Variants in RERE observed in about 807,000 individuals in gnomAD.
RERE encodes arginine-glutamic acid dipeptide repeats.
RERE carries 40 observed loss-of-function variants against 146.1 expected under a neutral mutation model. The observed-to-expected ratio is 0.27, with a 90% confidence interval of 0.21 to 0.36. The LOEUF (loss-of-function observed/expected upper bound fraction) is 0.36. RERE is among the 10% of genes least tolerant of loss of function. The probability of loss-of-function intolerance (pLI) is 1.00; values close to 1 mark genes in which losing one functional copy is unlikely to be tolerated. For missense variants in RERE, 1,933 were observed against 2,138.7 expected (o/e 0.90, Z 1.90); for synonymous variants, 1,003 against 866.0 (o/e 1.16, Z -2.78).
At chr1:8,596,481 G>C (rs760252273) in intron 4 of RERE, among the ~76,000 whole-genome samples, 25 of 152,086 alleles carry the variant, frequency 1.6e-4, no homozygotes, top group Non-Finnish European at 3.5e-4. Flanking sequence ...GACAAACCTA[G>C]TCTGTAGGAA....
intron 7 of RERE, among the ~76,000 whole-genome samples, chr1:8,527,307 T>G (rs1645582128): frequency 6.6e-6 from 1 of 152,152 alleles, no homozygotes; most frequent in African/African-American, 2.4e-5. Flanking sequence ...GACAACATAT[T>G]CCCAAAACTG....
rs1317286409 is a variant in RERE, at chr1:8,423,745, G to A, written c.1204-938C>T. 1.0e-6 allele frequency: 1 copy of A among 962,458 alleles called. No individual in the cohort carries two copies. The highest frequency in any genetic ancestry group is 1.2e-6 in the Non-Finnish European group (1 of 812,034). The allele number at this position is 962,458 out of a possible 1,614,324, so 59.6% of individuals were successfully genotyped here. A position where few individuals can be genotyped will look rare whatever the true frequency, so the allele number is the denominator to read the frequency against. On this transcript the variant is annotated intron_variant, in intron 11 of 22. Transcript: ENST00000400908. This position sits in a 1 kb window ranked among gnomAD's most constrained non-coding sequence, Gnocchi z 5.4. ...GGGCCGCGCGGCGCGGGGCCCGGGG[G>A]GCGCGGGGCTGGGGCCGCCGCTGAC...
chr1:8,442,773 T>A (rs1227438046), intron 11 of RERE, among the ~76,000 whole-genome samples: 2 of 152,056 alleles, frequency 1.3e-5, no homozygotes, highest in East Asian at 3.9e-4. Context: ...TGAGGGAAAG[T>A]TTGGAACTTC....
intron 1 of RERE, among the ~76,000 whole-genome samples, chr1:8,811,594 C>A (rs538365976): frequency 1.1e-4 from 17 of 152,284 alleles, no homozygotes; most frequent in South Asian, 6.2e-4. Context: ...AACAACAGAG[C>A]GAGACCCTCT....
At chr1:8,607,298 T>C (rs1436895851) in intron 4 of RERE, among the ~76,000 whole-genome samples, 1 of 149,310 alleles carries the variant, frequency 6.7e-6, no homozygotes, top group Non-Finnish European at 1.5e-5. Context: ...AGGTTGAGGC[T>C]GCAGTGAGCC....
Position 8,601,273 on chromosome 1 carries a change from C to A in RERE, c.522+13288G>T, listed in dbSNP as rs544063105. Among the ~76,000 whole-genome samples, 459 of 152,186 alleles carry A rather than the reference C, an allele frequency of 3.0e-3. 2 individuals are homozygous for A. The highest frequency in any genetic ancestry group is 0.011 in the African/African-American group (437 of 41,498). On this transcript the variant is annotated intron_variant, in intron 4 of 22. Transcript: ENST00000400908. ...CCTCCAGTGACCCACCCTCCTCAGC[C>A]TCCCAAAGTGCTGGGATTACAGGGA...
chr1:8,622,779 A>AT (rs70982801), intron 3 of RERE, among the ~76,000 whole-genome samples: 76 of 150,242 alleles, frequency 5.1e-4, no homozygotes, highest in Middle Eastern at 3.5e-3. Context: ...ATAAAATGTG[A>AT]TTTTTTTTTT....
At chr1:8,648,173 A>G (rs1647418137) in intron 2 of RERE, among the ~76,000 whole-genome samples, 1 of 152,160 alleles carries the variant, frequency 6.6e-6, no homozygotes, top group Admixed American at 6.5e-5. Flanking sequence ...ATTTTCTATA[A>G]AAGGAATTAT....
chr1:8,506,809 G>A (rs1477744574), intron 8 of RERE, among the ~76,000 whole-genome samples: 4 of 152,184 alleles, frequency 2.6e-5, no homozygotes, highest in African/African-American at 7.2e-5. Flanking sequence ...TTCATTCATT[G>A]TAAGATCCAC....
At chr1:8,415,688 A>G (rs968821401) in intron 12 of RERE, among the ~76,000 whole-genome samples, 3 of 152,258 alleles carry the variant, frequency 2.0e-5, no homozygotes, top group Admixed American at 1.3e-4. Flanking sequence ...ACAAGGGAAT[A>G]TCAGCCAGTC....
At chr1:8,537,003 G>C (rs1397083934) in intron 7 of RERE, among the ~76,000 whole-genome samples, 1 of 152,108 alleles carries the variant, frequency 6.6e-6, no homozygotes, top group Non-Finnish European at 1.5e-5. Context: ...AGGATTTAGA[G>C]ACCAGCCTGG....
intron 1 of RERE, among the ~76,000 whole-genome samples, chr1:8,777,026 C>T (rs1046184004): frequency 1.3e-5 from 2 of 152,142 alleles, no homozygotes; most frequent in Admixed American, 1.3e-4. Flanking sequence ...CATGAGCCAC[C>T]ACACCAGACC....
intron 8 of RERE, among the ~76,000 whole-genome samples, chr1:8,507,618 A>C (rs1444730869): frequency 6.6e-6 from 1 of 151,990 alleles, no homozygotes; most frequent in African/African-American, 2.4e-5. Flanking sequence ...CATGTTGGCC[A>C]GGCTGGTCTC....
At chr1:8,468,894 C>G (rs186531222) in intron 10 of RERE, among the ~76,000 whole-genome samples, 40 of 148,740 alleles carry the variant, frequency 2.7e-4, no homozygotes, top group African/African-American at 9.1e-4. Flanking sequence ...GAAACCCTGC[C>G]TCCAATAAAA....
At chr1:8,367,902 A>C (rs2124382444) in intron 12 of RERE, among the ~76,000 whole-genome samples, 1 of 152,328 alleles carries the variant, frequency 6.6e-6, no homozygotes, top group African/African-American at 2.4e-5. Context: ...AAGATTCGTA[A>C]ATCCCACTAG....
At chr1:8,551,099 C>G (rs893932177) in intron 6 of RERE, among the ~76,000 whole-genome samples, 1 of 152,196 alleles carries the variant, frequency 6.6e-6, no homozygotes, top group Non-Finnish European at 1.5e-5. Context: ...AAAATGACAG[C>G]CTATAACCTG....
chr1:8,436,075 C>T (rs748481446), intron 11 of RERE, among the ~76,000 whole-genome samples: 9 of 152,218 alleles, frequency 5.9e-5, no homozygotes, highest in African/African-American at 1.2e-4. Flanking sequence ...AATCCCAGCA[C>T]TTTGGGAGGC....
chr1:8,633,333 G>GGATC (rs1647056707), intron 2 of RERE, among the ~76,000 whole-genome samples: 1 of 152,146 alleles, frequency 6.6e-6, no homozygotes, highest in East Asian at 1.9e-4. Flanking sequence ...TGAGGTGGGA[G>GGATC]GATCACTTAA....
At chr1:8,517,779 C>T (rs970666686) in intron 7 of RERE, among the ~76,000 whole-genome samples, 1 of 152,188 alleles carries the variant, frequency 6.6e-6, no homozygotes, top group Non-Finnish European at 1.5e-5. Flanking sequence ...TCCTCTTCAA[C>T]TGCAGTGGAT....
Sources: gnomAD v4.1 joint callset for allele counts (sites outside exome capture counted in the v4.1 genomes callset) on GRCh38, gnomAD v4.1.1 for gene constraint, Gnocchi (gnomAD v3.1) non-coding constraint, MANE v1.5 for transcripts, NCBI Gene and HGNC (gene_info 2026-07-23, HGNC 2026-07-21) for gene names.